LRP1B: variants seen among roughly 807,000 people sequenced by gnomAD.
The protein encoded by LRP1B is LDL receptor related protein 1B.
LRP1B carries 217 observed loss-of-function variants against 556.6 expected under a neutral mutation model. The ratio of observed to expected loss-of-function variants is 0.39; its 90% CI spans 0.35 to 0.44. The LOEUF (loss-of-function observed/expected upper bound fraction) is 0.44, where lower values mean the gene tolerates loss of function less well. Among genes scored for constraint, LRP1B ranks in the 20% least tolerant of loss-of-function variants. LRP1B has a pLI of 1.00. For synonymous variants in LRP1B, 2,047 were observed against 1,865.8 expected, an observed-to-expected ratio of 1.10 and a Z score of -2.50; for missense variants, 5,053 against 5,620.8, an observed-to-expected ratio of 0.90 and a Z score of 3.23.
At chr2:140,478,588 C>T (rs1018433052) in intron 59 of LRP1B, among the ~76,000 whole-genome samples, 1 of 152,102 alleles carries the variant, frequency 6.6e-6, no homozygotes, top group Non-Finnish European at 1.5e-5. Context: ...ACTCAGGTTT[C>T]TAGATTCGTA....
chr2:140,333,568 C>T (rs1316257238), intron 79 of LRP1B, among the ~76,000 whole-genome samples: 15 of 151,982 alleles, frequency 9.9e-5, no homozygotes. Flanking sequence ...GTATAAAACA[C>T]ATTAAAGATT....
intron 43 of LRP1B, among the ~76,000 whole-genome samples, chr2:140,554,131 C>T (rs898704824): frequency 2.6e-5 from 4 of 151,940 alleles, no homozygotes; most frequent in African/African-American, 9.7e-5. Context: ...GACTCAGTCT[C>T]CTAATCTGTA....
chr2:141,897,108 A>C (rs978137790), intron 1 of LRP1B, among the ~76,000 whole-genome samples: 1 of 152,166 alleles, frequency 6.6e-6, no homozygotes, highest in African/African-American at 2.4e-5. Flanking sequence ...AAGACTTAGA[A>C]GATTGATTTT....
intron 35 of LRP1B, among the ~76,000 whole-genome samples, chr2:140,722,148 T>C (rs377284142): frequency 1.3e-5 from 2 of 152,198 alleles, no homozygotes; most frequent in Non-Finnish European, 2.9e-5. Context: ...GTTCTTTCAT[T>C]CAAAATTATG....
chr2:140,509,610 G>A (rs1689567478), intron 52 of LRP1B, among the ~76,000 whole-genome samples: 1 of 152,146 alleles, frequency 6.6e-6, no homozygotes, highest in African/African-American at 2.4e-5. Context: ...ACGCAAAAGA[G>A]AAAGTACCAA....
chr2:140,881,282 G>A (rs1278222738), intron 25 of LRP1B, among the ~76,000 whole-genome samples: 1 of 151,844 alleles, frequency 6.6e-6, no homozygotes, highest in Non-Finnish European at 1.5e-5. Context: ...GTGTGCGTGT[G>A]TGTCTGCTTA....
intron 5 of LRP1B, among the ~76,000 whole-genome samples, chr2:141,236,675 G>A (rs112138039): frequency 2.7e-4 from 41 of 152,244 alleles, no homozygotes; most frequent in African/African-American, 8.2e-4. Context: ...TCATGTGTAC[G>A]TTGAGGTAAA....
chr2:141,879,098 CA>C (rs1320274686), intron 1 of LRP1B, among the ~76,000 whole-genome samples: 1 of 151,540 alleles, frequency 6.6e-6, no homozygotes, highest in Non-Finnish European at 1.5e-5. Flanking sequence ...TATGATAAAT[CA>C]AAATATATTT....
chr2:140,781,271 G>A (rs1689689204), intron 32 of LRP1B, among the ~76,000 whole-genome samples: 1 of 152,136 alleles, frequency 6.6e-6, no homozygotes, highest in Non-Finnish European at 1.5e-5. Flanking sequence ...AACTGTCCTG[G>A]AAAAATTATT....
At chr2:140,563,609 G>A (rs1188496230) in intron 43 of LRP1B, among the ~76,000 whole-genome samples, 2 of 152,048 alleles carry the variant, frequency 1.3e-5, no homozygotes, top group East Asian at 3.9e-4. Context: ...TCAGAAAATG[G>A]AGTACTTTTA....
intron 1 of LRP1B, among the ~76,000 whole-genome samples, chr2:141,814,273 G>A (rs1696458531): frequency 6.6e-6 from 1 of 152,122 alleles, no homozygotes; most frequent in Admixed American, 6.6e-5. Flanking sequence ...AGGGATGTGG[G>A]CTTTTTCTTA....
intron 53 of LRP1B, among the ~76,000 whole-genome samples, chr2:140,504,865 A>G (rs937538583): frequency 2.0e-5 from 3 of 152,142 alleles, no homozygotes; most frequent in African/African-American, 7.2e-5. Flanking sequence ...ATTTCCCTCT[A>G]TGGCTCCTTT....
intron 23 of LRP1B, chr2:140,898,627 C>T (rs917783047): frequency 1.4e-5 from 5 of 367,150 alleles, no homozygotes; most frequent in Non-Finnish European, 2.2e-5. Flanking sequence ...GAACCTCCCC[C>T]TGAACAACAT....
intron 1 of LRP1B, among the ~76,000 whole-genome samples, chr2:142,041,105 G>A (rs1199089255): frequency 6.6e-6 from 1 of 151,350 alleles, no homozygotes; most frequent in African/African-American, 2.4e-5. Context: ...TGGAACCAGT[G>A]CCTTTTTTTT....
chr2:140,395,951 A>G (rs1327718711), intron 66 of LRP1B, among the ~76,000 whole-genome samples: 1 of 152,118 alleles, frequency 6.6e-6, no homozygotes, highest in African/African-American at 2.4e-5. Flanking sequence ...GGAAGGGGAA[A>G]GTAGTTACAC....
intron 5 of LRP1B, among the ~76,000 whole-genome samples, chr2:141,233,225 T>C (rs527921451): frequency 6.6e-6 from 1 of 152,290 alleles, no homozygotes; most frequent in Non-Finnish European, 1.5e-5. Context: ...ACATAGAAGA[T>C]ACTGAAGCAC....
intron 1 of LRP1B, among the ~76,000 whole-genome samples, chr2:142,042,461 T>C (rs1166643532): frequency 1.3e-5 from 2 of 151,460 alleles, no homozygotes; most frequent in African/African-American, 2.4e-5. Flanking sequence ...AGTTTTATCC[T>C]CTTAAAACAA....
intron 35 of LRP1B, among the ~76,000 whole-genome samples, chr2:140,769,012 T>A (rs1249841529): frequency 9.3e-6 from 1 of 108,094 alleles, no homozygotes; most frequent in Non-Finnish European, 2.1e-5. Flanking sequence ...AATGCTATAC[T>A]TTAGGACGAT....
At chr2:141,898,975 C>T (rs905152228) in intron 1 of LRP1B, among the ~76,000 whole-genome samples, 1 of 152,136 alleles carries the variant, frequency 6.6e-6, no homozygotes, top group East Asian at 1.9e-4. Flanking sequence ...TATTATCAGG[C>T]CACAGCCTTT....
Sources: gnomAD v4.1 joint callset for allele counts (sites outside exome capture counted in the v4.1 genomes callset) on GRCh38, gnomAD v4.1.1 for gene constraint, MANE v1.5 for transcripts, NCBI Gene and HGNC (gene_info 2026-07-23, HGNC 2026-07-21) for gene names.